VSTM4: variants seen among roughly 807,000 people sequenced by gnomAD.
VSTM4 encodes V-set and transmembrane domain containing 4, also known as V-set and transmembrane domain-containing protein 4.
In VSTM4, 20 loss-of-function variants were observed where a neutral mutation model predicts 36.4. The observed-to-expected ratio is 0.55, with a 90% confidence interval of 0.39 to 0.80. The LOEUF (loss-of-function observed/expected upper bound fraction) is 0.80. VSTM4 is among the 30% of genes least tolerant of loss of function. The probability of loss-of-function intolerance (pLI) is 0.00; values close to 1 mark genes in which losing one functional copy is unlikely to be tolerated. For missense variants in VSTM4, 392 were observed against 404.5 expected (o/e 0.97, Z 0.26); for synonymous variants, 182 against 173.9 (o/e 1.05, Z -0.37).
intron 5 of VSTM4, among the ~76,000 whole-genome samples, chr10:49,049,515 C>A (rs1843665567): frequency 6.6e-6 from 1 of 152,142 alleles, no homozygotes; most frequent in African/African-American, 2.4e-5. Context: ...GAGGGAAGTA[C>A]CTTTTATAAT....
At chr10:49,021,347 T>G (rs1363703060) in intron 7 of VSTM4, among the ~76,000 whole-genome samples, 1 of 152,010 alleles carries the variant, frequency 6.6e-6, no homozygotes, top group Non-Finnish European at 1.5e-5. Context: ...AGTATGGAAA[T>G]AATTTTAACA....
At chr10:49,108,097 TC>T in intron 1 of VSTM4, 102 bp from the exon 2 acceptor site, 1 of 1,402,152 alleles carries the variant, frequency 7.1e-7, no homozygotes, top group East Asian at 2.5e-5. Context: ...GCACTGGGCA[TC>T]CTAGTGCTCT....
At chr10:49,053,482 C>T (rs116439542) in intron 5 of VSTM4, among the ~76,000 whole-genome samples, 3,222 of 152,306 alleles carry the variant, frequency 0.021, 97 homozygotes, top group South Asian at 0.12. Context: ...CTTACTTCCC[C>T]GGGCTTCCAC....
intron 2 of VSTM4, among the ~76,000 whole-genome samples, chr10:49,096,844 G>A (rs936912519): frequency 4.0e-5 from 6 of 151,896 alleles, no homozygotes; most frequent in Non-Finnish European, 5.9e-5. Flanking sequence ...TAGTAGACAC[G>A]GGGTTTCACC....
intron 7 of VSTM4, among the ~76,000 whole-genome samples, chr10:49,026,958 T>C (rs1380063383): frequency 6.6e-6 from 1 of 152,152 alleles, no homozygotes; most frequent in East Asian, 1.9e-4. Flanking sequence ...GAAACTTCTC[T>C]AACAGGGGAG....
intron 7 of VSTM4, among the ~76,000 whole-genome samples, chr10:49,033,644 C>T (rs1376701932): frequency 6.6e-6 from 1 of 152,172 alleles, no homozygotes; most frequent in Admixed American, 6.5e-5. Context: ...CATCAGAGCT[C>T]AGAGTGCAGT....
chr10:49,049,174 G>A (rs1843659622), intron 5 of VSTM4, among the ~76,000 whole-genome samples: 2 of 152,202 alleles, frequency 1.3e-5, no homozygotes, highest in Admixed American at 1.3e-4. Flanking sequence ...GACAGGTGAA[G>A]GGAGCTCACC....
chr10:49,079,081 C>T (rs1177854909), intron 3 of VSTM4, among the ~76,000 whole-genome samples: 2 of 152,180 alleles, frequency 1.3e-5, no homozygotes, highest in East Asian at 3.8e-4. Context: ...ATCCCCCCAC[C>T]TCCACCTCCC....
chr10:49,062,460 G>A (rs1200942588), intron 5 of VSTM4, among the ~76,000 whole-genome samples: 1 of 152,178 alleles, frequency 6.6e-6, no homozygotes, highest in Admixed American at 6.5e-5. Flanking sequence ...GGGGTTGGCA[G>A]TTCTTTTATT....
At chr10:49,064,984 G>C (rs1435438223) in intron 4 of VSTM4, among the ~76,000 whole-genome samples, 1 of 152,178 alleles carries the variant, frequency 6.6e-6, no homozygotes, top group Non-Finnish European at 1.5e-5. Flanking sequence ...CAGACTTCCT[G>C]GGTATTCATT....
chr10:49,068,837 G>A (rs923236106), intron 4 of VSTM4, among the ~76,000 whole-genome samples: 1 of 152,140 alleles, frequency 6.6e-6, no homozygotes, highest in Non-Finnish European at 1.5e-5. Flanking sequence ...AATACACCCC[G>A]TGGGCTGTGG....
chr10:49,098,268 TCCA>T (rs1472385750), intron 2 of VSTM4, among the ~76,000 whole-genome samples: 1 of 152,196 alleles, frequency 6.6e-6, no homozygotes, highest in East Asian at 1.9e-4. Flanking sequence ...TATTGTGCAC[TCCA>T]CTTCATCACG....
chr10:49,105,430 CAG>C (rs1449454652), intron 2 of VSTM4, among the ~76,000 whole-genome samples: 1 of 148,866 alleles, frequency 6.7e-6, no homozygotes, highest in Non-Finnish European at 1.5e-5. Flanking sequence ...GAGTGACAGA[CAG>C]AGAGAGAGGA....
chr10:49,094,660 C>T (rs1406194466), intron 2 of VSTM4, among the ~76,000 whole-genome samples: 2 of 152,204 alleles, frequency 1.3e-5, no homozygotes, highest in Non-Finnish European at 2.9e-5. Flanking sequence ...AATTCAAATT[C>T]AATGTATTCA....
chr10:49,095,678 T>C (rs1342672875), intron 2 of VSTM4, among the ~76,000 whole-genome samples: 1 of 152,212 alleles, frequency 6.6e-6, no homozygotes. Flanking sequence ...CCTTCTCCCA[T>C]GGTCCAGCAA....
intron 7 of VSTM4, among the ~76,000 whole-genome samples, chr10:49,044,216 T>C (rs1843564409): frequency 6.6e-6 from 1 of 152,020 alleles, no homozygotes; most frequent in African/African-American, 2.4e-5. Flanking sequence ...TAATACCCGC[T>C]ACTTGAGAGG....
At chr10:49,040,833 C>T (rs2250349) in intron 7 of VSTM4, among the ~76,000 whole-genome samples, 82,607 of 151,940 alleles carry the variant, frequency 0.54, 23,301 homozygotes, top group East Asian at 0.72. Flanking sequence ...GTGAGCCTTC[C>T]CACTTCTTGT....
At chr10:49,033,295 T>A (rs1843375035) in intron 7 of VSTM4, among the ~76,000 whole-genome samples, 1 of 152,204 alleles carries the variant, frequency 6.6e-6, no homozygotes, top group Non-Finnish European at 1.5e-5. Flanking sequence ...CTGTGAACAC[T>A]GTGTAAAGAA....
In VSTM4 at chr10:49,047,099, C is replaced by T. The variant is rs1843624371; in HGVS notation, c.776-55G>A. 7 of 1,527,316 alleles carry T rather than the reference C, an allele frequency of 4.6e-6. No homozygotes were observed. In the Admixed American group the frequency reaches 5.0e-5, roughly 11 times the overall value. The allele number at this position is 1,527,316 out of a possible 1,614,324, so 94.6% of individuals were successfully genotyped here. On this transcript the variant is annotated intron_variant, in intron 6 of 7. Coordinates refer to ENST00000332853, the MANE Select transcript of VSTM4 (RefSeq NM_001031746.5). ...CAGTTCCTCCCAGAACACTTAGTGG[C>T]CACACATTATGAGCATCAGGGACAT...
Sources: gnomAD v4.1 joint callset for allele counts (sites outside exome capture counted in the v4.1 genomes callset) on GRCh38, gnomAD v4.1.1 for gene constraint, MANE v1.5 for transcripts, NCBI Gene and HGNC (gene_info 2026-07-23, HGNC 2026-07-21) for gene names.